The following SMOC2 variants were observed in gnomAD, a reference collection of about 807,000 sequenced individuals.
The protein encoded by SMOC2 is SPARC-related modular calcium-binding protein 2.
SMOC2 carries 39 observed loss-of-function variants against 61.4 expected under a neutral mutation model. That is an observed-to-expected ratio of 0.64 (90% CI 0.49 to 0.83). The LOEUF (loss-of-function observed/expected upper bound fraction) is 0.83. SMOC2 is among the 40% of genes least tolerant of loss of function. The pLI is 0.00. For missense variants in SMOC2, 556 were observed against 592.9 expected (o/e 0.94, Z 0.65); for synonymous variants, 247 against 239.9 (o/e 1.03, Z -0.27).
At chr6:168,503,150 C>T (rs1782777389) in intron 1 of SMOC2, among the ~76,000 whole-genome samples, 1 of 141,024 alleles carries the variant, frequency 7.1e-6, no homozygotes, top group Non-Finnish European at 1.5e-5. Flanking sequence ...GCAATCTCTG[C>T]TCACTGCAAC....
At chr6:168,591,745 A>T (rs1785186139) in intron 7 of SMOC2, among the ~76,000 whole-genome samples, 1 of 151,594 alleles carries the variant, frequency 6.6e-6, no homozygotes, top group African/African-American at 2.4e-5. Context: ...TCTTTTTCAG[A>T]TTATTTTTTC....
At chr6:168,595,930 G>C (rs9355228) in intron 7 of SMOC2, among the ~76,000 whole-genome samples, 131,681 of 147,668 alleles carry the variant, frequency 0.89, 58,801 homozygotes, top group Middle Eastern at 0.97. Flanking sequence ...CAGAAAGTAT[G>C]TCGTGTCTGG....
chr6:168,463,051 C>T lies in SMOC2; in HGVS notation c.84+21597C>T, dbSNP rs114407062. Reference sequence around the variant, plus strand: ...CAATCTTTGAATCAAAAAGCGGTCCCATTCCCACAGGGGAGTTGGAGCCTG... The same window carrying T: ...CAATCTTTGAATCAAAAAGCGGTCCTATTCCCACAGGGGAGTTGGAGCCTG... On this transcript the variant is annotated intron_variant, in intron 1 of 12. Coordinates refer to ENST00000356284, the MANE Select transcript of SMOC2 (RefSeq NM_001166412.2). 2.1e-3 allele frequency among the ~76,000 whole-genome samples: 322 copies of T among 152,326 alleles called. 3 individuals carry two copies. Among genetic ancestry groups the T allele is most frequent in the African/African-American group, 6.0e-3 (248 of 41,566 alleles).
chr6:168,542,440 A>G (rs1783893452), intron 4 of SMOC2, among the ~76,000 whole-genome samples: 1 of 152,244 alleles, frequency 6.6e-6, no homozygotes, highest in African/African-American at 2.4e-5. Context: ...TGGGGACACT[A>G]AATTCCCAAA....
chr6:168,526,328 C>T lies in SMOC2; in HGVS notation c.257-18C>T, dbSNP rs779418587. The T allele has an allele frequency of 8.1e-6, 13 of 1,603,246 alleles. No homozygotes were observed. The highest frequency in any genetic ancestry group is 1.1e-5 in the Non-Finnish European group (13 of 1,170,190). ...TTCCCATTGCATAACCACACCTCTGCCCTGTTCTTCCCTACAGACGTGTCC... is the reference window on the plus strand; with the variant it reads ...TTCCCATTGCATAACCACACCTCTGTCCTGTTCTTCCCTACAGACGTGTCC... On this transcript the variant is annotated intron_variant, in intron 2 of 12. Coordinates refer to ENST00000356284, the MANE Select transcript of SMOC2 (RefSeq NM_001166412.2).
intron 1 of SMOC2, among the ~76,000 whole-genome samples, chr6:168,507,770 C>T (rs1036291169): frequency 1.3e-5 from 2 of 152,250 alleles, no homozygotes; most frequent in Admixed American, 6.5e-5. Flanking sequence ...TTTTCACTTG[C>T]GTCTTAGCTA....
chr6:168,557,954 G>A lies in SMOC2; in HGVS notation c.637+8751G>A, dbSNP rs548400215. ...GTTGTGATTTCCAACCTCCTCCTGCGGCCCGCAGATTGACAGGCACACTCA... is the reference window on the plus strand; with the variant it reads ...GTTGTGATTTCCAACCTCCTCCTGCAGCCCGCAGATTGACAGGCACACTCA... On this transcript the variant is annotated intron_variant, in intron 7 of 12. Coordinates refer to ENST00000356284, the MANE Select transcript of SMOC2 (RefSeq NM_001166412.2). 2.4e-4 allele frequency among the ~76,000 whole-genome samples: 36 copies of A among 152,252 alleles called. 1 individual carries two copies. The highest frequency in any genetic ancestry group is 3.9e-4 in the Admixed American group (6 of 15,290).
Position 168,599,099 on chromosome 6 carries a change from GAC to G in SMOC2, c.824+101_824+102del, listed in dbSNP as rs754020488. 7.0e-4 allele frequency: 804 copies of G among 1,140,940 alleles called. 4 individuals carry two copies. Among genetic ancestry groups the G allele is most frequent in the South Asian group, 4.9e-3 (324 of 65,610 alleles). The allele number at this position is 1,140,940 out of a possible 1,614,324, so 70.7% of individuals were successfully genotyped here. A position where few individuals can be genotyped will look rare whatever the true frequency, so the allele number is the denominator to read the frequency against. ...ACCCCCACTTCCCCCAACACACACC[GAC>G]ACACAGTCACACACACACTCACACT... On this transcript the variant is annotated intron_variant, in intron 8 of 12. Coordinates refer to ENST00000356284, the MANE Select transcript of SMOC2 (RefSeq NM_001166412.2).
At chr6:168,541,940 G>T (rs1475585550) in intron 4 of SMOC2, among the ~76,000 whole-genome samples, 2 of 152,102 alleles carry the variant, frequency 1.3e-5, no homozygotes, top group African/African-American at 4.8e-5. Flanking sequence ...TTTGCAGTCT[G>T]TACTGTTCTG....
intron 5 of SMOC2, among the ~76,000 whole-genome samples, chr6:168,546,000 T>A (rs1783986147): frequency 6.6e-6 from 1 of 152,180 alleles, no homozygotes. Flanking sequence ...AAATAACTGA[T>A]GTTACATTTT....
intron 7 of SMOC2, among the ~76,000 whole-genome samples, chr6:168,558,422 C>A (rs1784299924): frequency 6.6e-6 from 1 of 152,178 alleles, no homozygotes; most frequent in African/African-American, 2.4e-5. Context: ...CCCCCTGGAA[C>A]CTTTCTTCCC....
At position 168,441,331 on chromosome 6, in the gene SMOC2, A is replaced by G. The variant is rs1781199771; in HGVS notation, c.-40A>G. 6.7e-7 allele frequency: 1 copy of G among 1,492,234 alleles called. No individual in the cohort carries two copies. Among genetic ancestry groups the G allele is most frequent in the South Asian group, 1.3e-5 (1 of 79,812 alleles). The allele number at this position is 1,492,234 out of a possible 1,614,324, so 92.4% of individuals were successfully genotyped here. A position where few individuals can be genotyped will look rare whatever the true frequency, so the allele number is the denominator to read the frequency against. On this transcript the variant is annotated 5_prime_UTR_variant, in exon 1 of 13. Coordinates refer to ENST00000356284, the MANE Select transcript of SMOC2 (RefSeq NM_001166412.2). ...TCTCCCGGCTGCAGTGCCAGGGCGC[A>G]GGACGCGGCCGATCTCCCGCTCCCG...
At chr6:168,493,964 A>T (rs1343736335) in intron 1 of SMOC2, among the ~76,000 whole-genome samples, 1 of 152,216 alleles carries the variant, frequency 6.6e-6, no homozygotes, top group African/African-American at 2.4e-5. Flanking sequence ...TGTGGTAGCC[A>T]CCTTTCATAA....
At chr6:168,635,850 A>G (rs1356925085) in intron 9 of SMOC2, among the ~76,000 whole-genome samples, 3 of 148,930 alleles carry the variant, frequency 2.0e-5, no homozygotes, top group Admixed American at 1.4e-4. Context: ...CAGCCTGGGC[A>G]ACAGAACAAG....
At chr6:168,527,073 A>G (rs193173577) in intron 3 of SMOC2, among the ~76,000 whole-genome samples, 121 of 152,338 alleles carry the variant, frequency 7.9e-4, no homozygotes, top group Non-Finnish European at 1.5e-3. Flanking sequence ...CGGGTTCTGC[A>G]CTTTGACATG....
chr6:168,529,445 C>T (rs555840657), intron 4 of SMOC2, among the ~76,000 whole-genome samples: 2 of 152,306 alleles, frequency 1.3e-5, no homozygotes, highest in East Asian at 3.9e-4. Flanking sequence ...TGGCTGCACC[C>T]TTGGTGTTGG....
chr6:168,581,114 G>C (rs1447089618), intron 7 of SMOC2, among the ~76,000 whole-genome samples: 1 of 152,124 alleles, frequency 6.6e-6, no homozygotes, highest in Non-Finnish European at 1.5e-5. Flanking sequence ...AGAAGTATAA[G>C]TTTCAAGGTC....
At chr6:168,626,684 G>T (rs905888021) in intron 9 of SMOC2, among the ~76,000 whole-genome samples, 3 of 152,226 alleles carry the variant, frequency 2.0e-5, no homozygotes, top group African/African-American at 7.2e-5. Flanking sequence ...GCAAAAGTGC[G>T]TGGCAACTTA....
chr6:168,621,042 T>C (rs1316492397), intron 9 of SMOC2, among the ~76,000 whole-genome samples: 1 of 149,854 alleles, frequency 6.7e-6, no homozygotes, highest in Non-Finnish European at 1.5e-5. Flanking sequence ...CCTAGGATGT[T>C]TTCTCAGACA....
Sources: allele counts gnomAD v4.1 joint callset (sites outside exome capture counted in the v4.1 genomes callset), GRCh38; gene constraint gnomAD v4.1.1; transcripts MANE v1.5; gene names NCBI Gene and HGNC (gene_info 2026-07-23, HGNC 2026-07-21).